Variants in AVL9 observed in about 807,000 individuals in gnomAD.
AVL9 encodes the protein AVL9 cell migration associated.
AVL9 carries 49 observed loss-of-function variants against 79.2 expected under a neutral mutation model. The observed-to-expected ratio is 0.62, with a 90% CI of 0.49 to 0.79. The LOEUF is 0.79. Among genes scored for constraint, AVL9 ranks in the 30% least tolerant of loss-of-function variants. The pLI is 0.00. For missense variants in AVL9, 682 were observed against 776.8 expected (o/e 0.88, Z 1.45); for synonymous variants, 299 against 280.6 (o/e 1.07, Z -0.65).
Position 32,543,189 on chromosome 7 carries a change from C to T in AVL9, c.142C>T (p.His48Tyr). ...GATTCCAGGAGATGGACATGACAGC[C>T]ACACTTTACCTGAAGAATGGAAGTA... ...PLIPGDGHDS[H>Y]TLPEEWKYLP... is the part of the protein sequence containing the mutation. The change falls in exon 2 of 16, where the codon CAC becomes TAC. Residue 48 changes from histidine to tyrosine, a missense_variant. Transcript: ENST00000318709. 1.2e-6 allele frequency: 2 copies of T among 1,614,146 alleles called. No individual in the cohort carries two copies. The highest frequency in any genetic ancestry group is 1.7e-6 in the Non-Finnish European group (2 of 1,180,018).
At chr7:32,549,961 T>C (rs377515619) in intron 4 of AVL9, among the ~76,000 whole-genome samples, 2 of 45,452 alleles carry the variant, frequency 4.4e-5, no homozygotes, top group Non-Finnish European at 1.1e-4. Context: ...AAGGAATGGC[T>C]ATTATAAAAG....
At chr7:32,572,053 G>T (rs865952487) in intron 11 of AVL9, among the ~76,000 whole-genome samples, 7 of 150,546 alleles carry the variant, frequency 4.6e-5, no homozygotes, top group South Asian at 2.1e-4. Context: ...TCCCAGCTAC[G>T]CGGGAGGCTG....
At chr7:32,574,149 A>G (rs1275601202) in intron 12 of AVL9, among the ~76,000 whole-genome samples, 1 of 152,262 alleles carries the variant, frequency 6.6e-6, no homozygotes, top group East Asian at 1.9e-4. Context: ...AAATACACAT[A>G]GCATAAAATT....
chr7:32,546,963 A>T (rs1789541940), intron 3 of AVL9, among the ~76,000 whole-genome samples: 1 of 152,190 alleles, frequency 6.6e-6, no homozygotes, highest in Admixed American at 6.5e-5. Flanking sequence ...AAGACAGGAG[A>T]GAAGAGAGTT....
chr7:32,505,901 G>A lies in AVL9; in HGVS notation c.93+10099G>A, dbSNP rs191738466. Among the ~76,000 whole-genome samples the A allele has an allele frequency of 4.7e-3, 713 of 152,200 alleles. 2 individuals carry two copies. Among genetic ancestry groups the A allele is most frequent in the Non-Finnish European group, 7.8e-3 (529 of 68,002 alleles). On this transcript the variant is annotated intron_variant, in intron 1 of 15. Coordinates refer to ENST00000318709, the MANE Select transcript of AVL9 (RefSeq NM_015060.3). ...TCATATATATATTTATGTACTGAGA[G>A]CATAAATTTCTATTAAGTAGAGTCA...
chr7:32,573,654 C>A (rs932718333), intron 12 of AVL9, among the ~76,000 whole-genome samples: 6 of 152,010 alleles, frequency 3.9e-5, no homozygotes, highest in Admixed American at 1.3e-4. Context: ...GGTCCTTTTA[C>A]AAAAATGGAT....
chr7:32,497,168 C>G (rs1786865075), intron 1 of AVL9, among the ~76,000 whole-genome samples: 1 of 152,030 alleles, frequency 6.6e-6, no homozygotes, highest in African/African-American at 2.4e-5. Flanking sequence ...CCAGCCTGGA[C>G]AACACGGTGA....
At chr7:32,502,392 C>CAAAAAAAAAAAAAA (rs70992721) in intron 1 of AVL9, among the ~76,000 whole-genome samples, 24 of 114,220 alleles carry the variant, frequency 2.1e-4, no homozygotes, top group African/African-American at 4.3e-4. Flanking sequence ...AACCCTTTCT[C>CAAAAAAAAAAAAAA]AAAAAAAAAA....
chr7:32,530,958 A>T (rs74733454), intron 1 of AVL9, among the ~76,000 whole-genome samples: 1 of 148,982 alleles, frequency 6.7e-6, no homozygotes. Context: ...TCCACCTATT[A>T]AAAAAAAAAG....
chr7:32,516,939 A>C (rs1384369123), intron 1 of AVL9, among the ~76,000 whole-genome samples: 1 of 152,146 alleles, frequency 6.6e-6, no homozygotes, highest in African/African-American at 2.4e-5. Flanking sequence ...CAGAGCCCAA[A>C]GGTCAACCTG....
At chr7:32,544,876 GT>G in intron 3 of AVL9, 97 bp downstream of exon 3, 1 of 834,642 alleles carries the variant, frequency 1.2e-6, no homozygotes, top group Non-Finnish European at 1.9e-6. Context: ...CTGTAATGTT[GT>G]TTTAGATTTT....
At chr7:32,554,634 T>G (rs1285161858) in intron 8 of AVL9, 38 bp downstream of exon 8, 9 of 1,339,744 alleles carry the variant, frequency 6.7e-6, no homozygotes, top group Non-Finnish European at 9.1e-6. Context: ...ATGGAGTATT[T>G]AACTTTTATT....
In AVL9 at chr7:32,573,115, C is replaced by T. The variant is rs113175975; in HGVS notation, c.1351-84C>T. 2.7e-3 allele frequency: 2,901 copies of T among 1,055,276 alleles called. 52 individuals carry two copies. In the African/African-American group the frequency reaches 0.04, roughly 14 times the overall value. The allele number at this position is 1,055,276 out of a possible 1,614,324, so 65.4% of individuals were successfully genotyped here. Reference sequence around the variant, plus strand: ...TTCATATTTTTTATTTCCAGCTCCACCTTCCCCGTAGTTACTCTGTAAAGT... The same window carrying T: ...TTCATATTTTTTATTTCCAGCTCCATCTTCCCCGTAGTTACTCTGTAAAGT... On this transcript the variant is annotated intron_variant, in intron 11 of 15. Coordinates refer to ENST00000318709, the MANE Select transcript of AVL9 (RefSeq NM_015060.3).
At chr7:32,573,528 T>A in intron 12 of AVL9, 110 bp downstream of exon 12, 1 of 961,910 alleles carries the variant, frequency 1.0e-6, no homozygotes, top group Non-Finnish European at 1.5e-6. Flanking sequence ...TATAGAAAAA[T>A]TACCAGTTAT....
Position 32,508,361 on chromosome 7 carries a change from C to T in AVL9, c.93+12559C>T, listed in dbSNP as rs994490473. ...TCTAATAAAAATACTAAGTGAGCTG[C>T]ATACATAATTTAAAATTTGTAGTAT... On this transcript the variant is annotated intron_variant, in intron 1 of 15. Transcript: ENST00000318709. 3.0e-4 allele frequency among the ~76,000 whole-genome samples: 45 copies of T among 152,114 alleles called. 1 individual carries two copies. The highest frequency in any genetic ancestry group is 1.5e-5 in the Non-Finnish European group (1 of 68,002).
intron 1 of AVL9, among the ~76,000 whole-genome samples, chr7:32,512,645 T>C (rs1787731256): frequency 6.6e-6 from 1 of 152,182 alleles, no homozygotes; most frequent in African/African-American, 2.4e-5. Flanking sequence ...TTGATGCCTT[T>C]CTGTTCACTG....
intron 1 of AVL9, among the ~76,000 whole-genome samples, chr7:32,512,372 G>C (rs1048002848): frequency 2.0e-5 from 3 of 150,794 alleles, no homozygotes; most frequent in African/African-American, 7.4e-5. Context: ...ACCTCACTGT[G>C]TGAATGCACA....
At chr7:32,528,074 C>T (rs1788482939) in intron 1 of AVL9, among the ~76,000 whole-genome samples, 1 of 152,136 alleles carries the variant, frequency 6.6e-6, no homozygotes, top group Non-Finnish European at 1.5e-5. Context: ...GTCTCTACAA[C>T]CCCTTGTCTT....
At chr7:32,524,802 T>TA (rs1163014794) in intron 1 of AVL9, among the ~76,000 whole-genome samples, 6 of 152,162 alleles carry the variant, frequency 3.9e-5, no homozygotes, top group Non-Finnish European at 7.3e-5. Flanking sequence ...AGACTGTGAG[T>TA]ACTTCCCAGT....
Sources: allele counts gnomAD v4.1 joint callset (sites outside exome capture counted in the v4.1 genomes callset), GRCh38; gene constraint gnomAD v4.1.1; transcripts MANE v1.5; gene names NCBI Gene and HGNC (gene_info 2026-07-23, HGNC 2026-07-21).